ACER3: variants seen among roughly 807,000 people sequenced by gnomAD.
ACER3 encodes the protein alkaline ceramidase 3, also known as alkCDase 3.
A neutral mutation model predicts 48.9 loss-of-function variants in ACER3; 16 were observed. The ratio of observed to expected loss-of-function variants is 0.33; its 90% CI spans 0.22 to 0.50. The LOEUF (loss-of-function observed/expected upper bound fraction) is 0.50, where lower values mean the gene tolerates loss of function less well. Among genes scored for constraint, ACER3 ranks in the 20% least tolerant of loss-of-function variants. ACER3 has a pLI of 0.98. For synonymous variants in ACER3, 109 were observed against 107.8 expected, an observed-to-expected ratio of 1.01 and a Z score of -0.07; for missense variants, 227 against 326.0, an observed-to-expected ratio of 0.70 and a Z score of 2.34.
chr11:76,994,012 A>G (rs1948860396), intron 6 of ACER3: 2 of 376,904 alleles, frequency 5.3e-6, no homozygotes, highest in South Asian at 2.0e-5. Context: ...AAACAGGAGT[A>G]CAAGTTCACC....
intron 1 of ACER3, among the ~76,000 whole-genome samples, chr11:76,926,222 A>G (rs145064438): frequency 5.1e-4 from 78 of 152,328 alleles, no homozygotes; most frequent in African/African-American, 1.8e-3. Context: ...TCAGTGCATC[A>G]GTATAGGCTG....
intron 3 of ACER3, among the ~76,000 whole-genome samples, chr11:76,969,801 G>A (rs11237045): frequency 9.3e-6 from 1 of 108,066 alleles, no homozygotes. Context: ...GTTGTGGGGT[G>A]GGGGGAGGGG....
At chr11:76,945,370 A>T (rs1947445782) in intron 2 of ACER3, among the ~76,000 whole-genome samples, 1 of 151,852 alleles carries the variant, frequency 6.6e-6, no homozygotes, top group Admixed American at 6.6e-5. Context: ...GCAGGGCAGA[A>T]TTTTTTCCTG....
At chr11:76,914,838 C>T (rs2134745015) in intron 1 of ACER3, among the ~76,000 whole-genome samples, 1 of 152,288 alleles carries the variant, frequency 6.6e-6, no homozygotes, top group Admixed American at 6.5e-5. Context: ...AAATGTGGCA[C>T]ATATACACCA....
intron 5 of ACER3, among the ~76,000 whole-genome samples, chr11:76,988,129 A>G (rs1948722755): frequency 6.6e-6 from 1 of 152,184 alleles, no homozygotes; most frequent in Non-Finnish European, 1.5e-5. Context: ...CTCTGAAAGG[A>G]TGAGTACAAT....
chr11:76,960,510 T>C (rs1372029386), intron 3 of ACER3, among the ~76,000 whole-genome samples: 1 of 152,182 alleles, frequency 6.6e-6, no homozygotes, highest in African/African-American at 2.4e-5. Flanking sequence ...GAATAAAGTA[T>C]TTCATATTCT....
At chr11:76,915,301 A>G (rs1462794806) in intron 1 of ACER3, among the ~76,000 whole-genome samples, 1 of 151,470 alleles carries the variant, frequency 6.6e-6, no homozygotes, top group African/African-American at 2.4e-5. Context: ...CCTCTTTCCC[A>G]TGATACTTCC....
chr11:76,899,774 A>C (rs1467918658), intron 1 of ACER3, among the ~76,000 whole-genome samples: 1 of 152,156 alleles, frequency 6.6e-6, no homozygotes, highest in African/African-American at 2.4e-5. Context: ...AAGATTCCCT[A>C]GGCACACCAT....
In ACER3 at chr11:76,962,760, G is replaced by A. The variant is rs570659248; in HGVS notation, c.267+3729G>A. Among the ~76,000 whole-genome samples the A allele has an allele frequency of 3.3e-5, 5 of 151,574 alleles. No homozygotes were observed. In the South Asian group the frequency reaches 1.0e-3, roughly 31 times the overall value. On this transcript the variant is annotated intron_variant, in intron 3 of 10. Coordinates refer to ENST00000532485, the MANE Select transcript of ACER3 (RefSeq NM_018367.7). ...GGAGTGCAGGTGTACTTGAGAGAGTGTCATGCAGTGGGGTTTGGGGCTGCT... is the reference window on the plus strand; with the variant it reads ...GGAGTGCAGGTGTACTTGAGAGAGTATCATGCAGTGGGGTTTGGGGCTGCT...
chr11:76,903,419 A>G (rs1477990535), intron 1 of ACER3, among the ~76,000 whole-genome samples: 1 of 151,794 alleles, frequency 6.6e-6, no homozygotes, highest in African/African-American at 2.4e-5. Flanking sequence ...ATTGCCTTCA[A>G]CTAAATGAAT....
intron 1 of ACER3, among the ~76,000 whole-genome samples, chr11:76,899,974 G>T (rs1946038998): frequency 6.6e-6 from 1 of 152,152 alleles, no homozygotes; most frequent in African/African-American, 2.4e-5. Context: ...CATATTTTGT[G>T]CATGTATTAT....
At chr11:76,934,008 C>T (rs1278394230) in intron 2 of ACER3, among the ~76,000 whole-genome samples, 7 of 150,960 alleles carry the variant, frequency 4.6e-5, no homozygotes, top group South Asian at 2.1e-4. Flanking sequence ...ACATCCCAGA[C>T]GGGGCGGCGG....
At chr11:76,902,273 T>C (rs989206396) in intron 1 of ACER3, among the ~76,000 whole-genome samples, 5 of 152,204 alleles carry the variant, frequency 3.3e-5, no homozygotes, top group African/African-American at 1.2e-4. Context: ...ATCCTTCACC[T>C]TTCTTTTGCT....
chr11:76,992,010 T>C lies in ACER3; in HGVS notation c.438+1436T>C, dbSNP rs369820614. 3.3e-5 allele frequency among the ~76,000 whole-genome samples: 5 copies of C among 151,828 alleles called. No homozygotes were observed. The East Asian group carries it at 9.7e-4, about 30-fold the overall frequency. ...TGGGAGGCTGAGGTGGGAGGATTGCTTGAAGCCAGGAGTTCGAGACTAACC... is the reference window on the plus strand; with the variant it reads ...TGGGAGGCTGAGGTGGGAGGATTGCCTGAAGCCAGGAGTTCGAGACTAACC... On this transcript the variant is annotated intron_variant, in intron 6 of 10. Transcript: ENST00000532485.
At chr11:76,939,542 G>C (rs1038916801) in intron 2 of ACER3, among the ~76,000 whole-genome samples, 1 of 152,172 alleles carries the variant, frequency 6.6e-6, no homozygotes, top group African/African-American at 2.4e-5. Flanking sequence ...GCTGCAGTGA[G>C]CCAGGATTGT....
intron 1 of ACER3, among the ~76,000 whole-genome samples, chr11:76,906,550 C>A (rs1946236864): frequency 6.6e-6 from 1 of 152,168 alleles, no homozygotes; most frequent in Non-Finnish European, 1.5e-5. Flanking sequence ...ACCTCCAAGC[C>A]TTCAGAGAGG....
At chr11:76,868,431 G>A (rs1046278903) in intron 1 of ACER3, among the ~76,000 whole-genome samples, 6 of 148,526 alleles carry the variant, frequency 4.0e-5, no homozygotes, top group African/African-American at 1.3e-4. Flanking sequence ...GTGTGTGTGT[G>A]TATAGCCCAT....
intron 2 of ACER3, among the ~76,000 whole-genome samples, chr11:76,934,885 A>G (rs887375505): frequency 3.9e-5 from 6 of 152,190 alleles, no homozygotes; most frequent in African/African-American, 9.7e-5. Context: ...AAAAACAGAA[A>G]ATGAGAATCA....
At chr11:76,936,451 G>A (rs1267783115) in intron 2 of ACER3, among the ~76,000 whole-genome samples, 7 of 152,074 alleles carry the variant, frequency 4.6e-5, no homozygotes, top group Non-Finnish European at 8.8e-5. Context: ...AGGAGAAAAC[G>A]TGTGTGCATT....
Sources: gnomAD v4.1 joint callset for allele counts (sites outside exome capture counted in the v4.1 genomes callset) on GRCh38, gnomAD v4.1.1 for gene constraint, MANE v1.5 for transcripts, NCBI Gene and HGNC (gene_info 2026-07-23, HGNC 2026-07-21) for gene names.